The following GXYLT2 variants were observed in gnomAD, a reference collection of about 807,000 sequenced individuals.
The protein encoded by GXYLT2 is glycosyltransferase 8 domain containing 4.
GXYLT2 carries 53 observed loss-of-function variants against 45.8 expected under a neutral mutation model. The ratio of observed to expected loss-of-function variants is 1.16; its 90% CI spans 0.93 to 1.46. The LOEUF is 1.46. Ranked by LOEUF, GXYLT2 falls within the 40% of genes most tolerant of loss-of-function variation. GXYLT2 has a pLI of 0.00. For missense variants in GXYLT2, 551 were observed against 544.4 expected (o/e 1.01, Z -0.12); for synonymous variants, 219 against 214.2 (o/e 1.02, Z -0.19).
chr3:72,947,111 C>T (rs1334089173), intron 3 of GXYLT2, among the ~76,000 whole-genome samples: 2 of 152,112 alleles, frequency 1.3e-5, no homozygotes, highest in African/African-American at 4.8e-5. Context: ...CTCCTGCTCC[C>T]AAAGTGCCCG....
At chr3:72,905,655 G>T (rs578124610) in intron 1 of GXYLT2, among the ~76,000 whole-genome samples, 19 of 152,292 alleles carry the variant, frequency 1.2e-4, no homozygotes, top group African/African-American at 4.6e-4. Context: ...GAGTTGGACT[G>T]CGGGGGTGGA....
At chr3:72,919,935 A>T (rs1037433271) in intron 2 of GXYLT2, among the ~76,000 whole-genome samples, 5 of 152,248 alleles carry the variant, frequency 3.3e-5, no homozygotes, top group Admixed American at 1.3e-4. Context: ...TAAACTGTGG[A>T]CTTTAGTTAG....
chr3:72,973,086 A>G (rs1176246060), intron 6 of GXYLT2, among the ~76,000 whole-genome samples: 4 of 152,068 alleles, frequency 2.6e-5, no homozygotes, highest in Non-Finnish European at 4.4e-5. Flanking sequence ...ACACAGCAAG[A>G]CCCTATCTCA....
rs114486602 is a variant in GXYLT2 at position 72,941,998 on chromosome 3, G to A, written c.601-13100G>A. Among the ~76,000 whole-genome samples the A allele has an allele frequency of 7.9e-3, 1,197 of 152,172 alleles. 21 individuals are homozygous for A. Among genetic ancestry groups the A allele is most frequent in the African/African-American group, 0.027 (1,118 of 41,520 alleles). ...CTCCTGGGAGAACTGTTCATTCCTG[G>A]CTGAAGGCAGGGAAAATGCAAGATG... On this transcript the variant is annotated intron_variant, in intron 3 of 6. Coordinates refer to ENST00000389617, the MANE Select transcript of GXYLT2 (RefSeq NM_001080393.2).
At chr3:72,914,796 T>C (rs1709704523) in intron 2 of GXYLT2, among the ~76,000 whole-genome samples, 1 of 152,166 alleles carries the variant, frequency 6.6e-6, no homozygotes, top group South Asian at 2.1e-4. Context: ...TGTCTCAAGC[T>C]GGATCAGGGC....
Position 72,914,766 on chromosome 3 carries a change from G to A in GXYLT2, c.468+6207G>A, listed in dbSNP as rs376451534. Reference sequence around the variant, plus strand: ...GGCTCTAACAGATTGAAAAGATACCGACGCCATAGAGCCTGGGTCTGTCTC... The same window carrying A: ...GGCTCTAACAGATTGAAAAGATACCAACGCCATAGAGCCTGGGTCTGTCTC... On this transcript the variant is annotated intron_variant, in intron 2 of 6. Coordinates refer to ENST00000389617, the MANE Select transcript of GXYLT2 (RefSeq NM_001080393.2). Among the ~76,000 whole-genome samples the A allele has an allele frequency of 5.8e-3, 881 of 152,170 alleles. 12 individuals are homozygous for A. The highest frequency in any genetic ancestry group is 0.02 in the African/African-American group (845 of 41,504).
chr3:72,898,025 A>T (rs1487824336), intron 1 of GXYLT2, among the ~76,000 whole-genome samples: 1 of 152,246 alleles, frequency 6.6e-6, no homozygotes, highest in Non-Finnish European at 1.5e-5. Context: ...TATATTGGGT[A>T]TAACTCTGGA....
chr3:72,966,463 T>TC (rs1710869288), intron 5 of GXYLT2, among the ~76,000 whole-genome samples: 1 of 143,178 alleles, frequency 7.0e-6, no homozygotes, highest in Admixed American at 7.0e-5. Flanking sequence ...TGTATCTTTT[T>TC]TTTTTTTTTT....
At chr3:72,932,842 ATAT>A (rs1710066572) in intron 3 of GXYLT2, among the ~76,000 whole-genome samples, 1 of 152,216 alleles carries the variant, frequency 6.6e-6, no homozygotes, top group Admixed American at 6.5e-5. Flanking sequence ...TTAATTTGAG[ATAT>A]TATTATATAG....
intron 2 of GXYLT2, among the ~76,000 whole-genome samples, chr3:72,912,783 C>G (rs1709658006): frequency 6.6e-6 from 1 of 152,144 alleles, no homozygotes; most frequent in African/African-American, 2.4e-5. Context: ...CACTGTGGAG[C>G]AGAGTCAACC....
chr3:72,949,509 T>C (rs1450498109), intron 3 of GXYLT2, among the ~76,000 whole-genome samples: 16 of 112,158 alleles, frequency 1.4e-4, no homozygotes, highest in African/African-American at 6.0e-4. Flanking sequence ...TTTCTTTTTT[T>C]TTTTTTTTTT....
At chr3:72,902,513 A>G (rs560749575) in intron 1 of GXYLT2, among the ~76,000 whole-genome samples, 1 of 152,270 alleles carries the variant, frequency 6.6e-6, no homozygotes, top group South Asian at 2.1e-4. Flanking sequence ...GGAGGATTAG[A>G]TAATATCAGA....
chr3:72,949,372 G>A (rs1463807014), intron 3 of GXYLT2, among the ~76,000 whole-genome samples: 1 of 151,950 alleles, frequency 6.6e-6, no homozygotes, highest in East Asian at 1.9e-4. Flanking sequence ...TTTTCCTCCA[G>A]CCTGGCTTAA....
In GXYLT2 at chr3:72,975,300, A is replaced by G. The variant is rs939361109; in HGVS notation, c.*141A>G. On this transcript the variant is annotated 3_prime_UTR_variant, in exon 7 of 7. Transcript: ENST00000389617. ...TTAAAAACCTCGTTAAATTTTGCCAAATCAGTTGCCCCCAAAAGGGAATAT... is the reference window on the plus strand; with the variant it reads ...TTAAAAACCTCGTTAAATTTTGCCAGATCAGTTGCCCCCAAAAGGGAATAT... The G allele has an allele frequency of 2.0e-6, 1 of 511,390 alleles. No homozygotes were observed. The highest frequency in any genetic ancestry group is 3.3e-6 in the Non-Finnish European group (1 of 301,612). 31.7% of individuals were successfully genotyped at this position (511,390 alleles called of 1,614,324 possible).
chr3:72,938,097 A>G (rs544043160), intron 3 of GXYLT2, among the ~76,000 whole-genome samples: 1 of 152,288 alleles, frequency 6.6e-6, no homozygotes, highest in Admixed American at 6.5e-5. Context: ...CTCTACAAAA[A>G]TTTAATTTTA....
chr3:72,969,853 TA>T (rs1259338275), intron 6 of GXYLT2, among the ~76,000 whole-genome samples: 4 of 137,678 alleles, frequency 2.9e-5, no homozygotes, highest in Admixed American at 8.3e-5. Flanking sequence ...AGAAGTGAGG[TA>T]GGGGGTAAAT....
intron 5 of GXYLT2, among the ~76,000 whole-genome samples, chr3:72,958,703 C>G (rs1033421600): frequency 1.4e-5 from 2 of 147,468 alleles, no homozygotes; most frequent in African/African-American, 5.1e-5. Flanking sequence ...ACAATCTCAG[C>G]TCACTGCAAT....
At chr3:72,904,877 CAAAAAAAA>C (rs774693806) in intron 1 of GXYLT2, among the ~76,000 whole-genome samples, 825 of 30,638 alleles carry the variant, frequency 0.027, 13 homozygotes, top group Non-Finnish European at 0.059. Flanking sequence ...ACTAAAGATA[CAAAAAAAA>C]AAAAAAAAAA....
intron 2 of GXYLT2, among the ~76,000 whole-genome samples, chr3:72,918,123 G>C (rs555863705): frequency 2.6e-5 from 4 of 152,106 alleles, no homozygotes; most frequent in Non-Finnish European, 5.9e-5. Flanking sequence ...TAAACAAATG[G>C]GTGTGGCTGT....
Sources: allele counts gnomAD v4.1 joint callset (sites outside exome capture counted in the v4.1 genomes callset), GRCh38; gene constraint gnomAD v4.1.1; transcripts MANE v1.5; gene names NCBI Gene and HGNC (gene_info 2026-07-23, HGNC 2026-07-21).